ANKRD42: variants seen among roughly 807,000 people sequenced by gnomAD.
ANKRD42 encodes ankyrin repeat domain 42, also known as ankyrin repeat domain-containing protein 42.
A neutral mutation model predicts 51.5 loss-of-function variants in ANKRD42; 43 were observed. The observed-to-expected ratio is 0.83, with a 90% CI of 0.65 to 1.08. The LOEUF (loss-of-function observed/expected upper bound fraction) is 1.08. Among genes scored for constraint, ANKRD42 ranks in the 50% least tolerant of loss-of-function variants. The pLI is 0.00. For synonymous variants in ANKRD42, 203 were observed against 213.0 expected, an observed-to-expected ratio of 0.95 and a Z score of 0.41; for missense variants, 608 against 629.3, an observed-to-expected ratio of 0.97 and a Z score of 0.36.
rs1341376429 is a variant in ANKRD42 at position 83,209,492 on chromosome 11, G to A, written c.331-808G>A. On this transcript the variant is annotated intron_variant, in intron 3 of 10. Coordinates refer to ENST00000533342, the MANE Select transcript of ANKRD42 (RefSeq NM_001300975.2). The stretch of plus-strand genomic sequence containing the variant: ...GCTGCCCAAGGACATAGCCAAGCTG[G>A]TCCGTAAAACCCATTTGATGTCTGA... 6.5e-6 allele frequency: 8 copies of A among 1,235,150 alleles called. No homozygotes were observed. The African/African-American group carries it at 7.4e-5, about 11-fold the overall frequency. 76.5% of individuals were successfully genotyped at this position (1,235,150 alleles called of 1,614,324 possible).
At chr11:83,236,011 T>A (rs963044937) in intron 7 of ANKRD42, among the ~76,000 whole-genome samples, 1 of 152,162 alleles carries the variant, frequency 6.6e-6, no homozygotes, top group Non-Finnish European at 1.5e-5. Flanking sequence ...GTGCTCACAT[T>A]CTTGTGAAAT....
At chr11:83,255,208 A>AGAT (rs1346160659) in intron 11 of ANKRD42, among the ~76,000 whole-genome samples, 1 of 152,246 alleles carries the variant, frequency 6.6e-6, no homozygotes, top group Non-Finnish European at 1.5e-5. Context: ...AATTACTCAA[A>AGAT]GATGATTAAT....
downstream of ANKRD42, chr11:83,256,177 A>G (rs1394816686): frequency 4.0e-6 from 1 of 252,924 alleles, no homozygotes; most frequent in Non-Finnish European, 7.5e-6. Flanking sequence ...ATTTATGAGT[A>G]ATTAATTTTA....
At chr11:83,249,129 C>T (rs1413728576), downstream of ANKRD42, among the ~76,000 whole-genome samples, 1 of 152,194 alleles carries the variant, frequency 6.6e-6, no homozygotes, top group Non-Finnish European at 1.5e-5. Flanking sequence ...AAATCTGTTA[C>T]CCCTCCACCT....
chr11:83,252,490 T>C (rs1286956158), downstream of ANKRD42, among the ~76,000 whole-genome samples: 3 of 152,348 alleles, frequency 2.0e-5, no homozygotes, highest in East Asian at 5.8e-4. Context: ...GCTATATTCA[T>C]ACAATGGAAT....
At chr11:83,256,495 A>G (rs1863776952), downstream of ANKRD42, among the ~76,000 whole-genome samples, 1 of 152,180 alleles carries the variant, frequency 6.6e-6, no homozygotes, top group Admixed American at 6.5e-5. Context: ...GGCCAACTAA[A>G]AAACAACTAT....
In ANKRD42 at chr11:83,218,785, C is replaced by T. The variant is rs531082658; in HGVS notation, c.587-6070C>T. Among the ~76,000 whole-genome samples the T allele has an allele frequency of 9.2e-5, 14 of 152,240 alleles. No homozygotes were observed. In the East Asian group the frequency reaches 2.5e-3, roughly 27 times the overall value. On this transcript the variant is annotated intron_variant, in intron 5 of 10. Transcript: ENST00000533342. ...TCAGTACGGAGGTAATTGTGGGCCT[C>T]TGTCATTTGGGCAAAGCTTGCAGGC...
chr11:83,216,341 T>A (rs1229337411), intron 5 of ANKRD42, among the ~76,000 whole-genome samples: 1 of 152,078 alleles, frequency 6.6e-6, no homozygotes, highest in Non-Finnish European at 1.5e-5. Context: ...TTTTTTTTTT[T>A]TTGAGACGGA....
chr11:83,261,879 A>G, downstream of ANKRD42: 2 of 1,534,588 alleles, frequency 1.3e-6, no homozygotes, highest in Middle Eastern at 1.7e-4. Flanking sequence ...TGTTCTAAGA[A>G]GCCAACAGCC....
chr11:83,241,501 A>C (rs1447690318), intron 9 of ANKRD42, among the ~76,000 whole-genome samples: 1 of 152,124 alleles, frequency 6.6e-6, no homozygotes, highest in African/African-American at 2.4e-5. Flanking sequence ...GATGAGAATG[A>C]GTCATATTAA....
At chr11:83,240,094 G>C (rs994433242) in intron 8 of ANKRD42, among the ~76,000 whole-genome samples, 2 of 152,146 alleles carry the variant, frequency 1.3e-5, no homozygotes, top group Non-Finnish European at 2.9e-5. Flanking sequence ...AATTCTTCAA[G>C]TTGTAAGAAA....
At chr11:83,207,741 C>T (rs1862132043) in intron 3 of ANKRD42, among the ~76,000 whole-genome samples, 1 of 152,192 alleles carries the variant, frequency 6.6e-6, no homozygotes, top group South Asian at 2.1e-4. Context: ...AGTGACAGAG[C>T]TAGGATTTGA....
chr11:83,209,477 G>A (rs1365987047), intron 3 of ANKRD42: 6 of 1,340,224 alleles, frequency 4.5e-6, no homozygotes, highest in African/African-American at 4.3e-5. Flanking sequence ...GCTGCCCAAG[G>A]ACATAGCCAA....
rs1274654306 is a variant in ANKRD42, at chr11:83,224,852, T to C, written c.587-3T>C. On this transcript the variant is annotated splice_region_variant and splice_polypyrimidine_tract_variant and intron_variant, in intron 5 of 10. Coordinates refer to ENST00000533342, the MANE Select transcript of ANKRD42 (RefSeq NM_001300975.2). ...TAAATTAATTTTTTTTCCTTTCCTCTAGTTCACTTAGCAGCCATGGAAGGC... is the reference window on the plus strand; with the variant it reads ...TAAATTAATTTTTTTTCCTTTCCTCCAGTTCACTTAGCAGCCATGGAAGGC... The C allele has an allele frequency of 6.3e-7, 1 of 1,581,826 alleles. No individual in the cohort carries two copies. Among genetic ancestry groups the C allele is most frequent in the Admixed American group, 1.7e-5 (1 of 57,310 alleles).
At chr11:83,219,395 C>G (rs1367514559) in intron 5 of ANKRD42, among the ~76,000 whole-genome samples, 1 of 152,216 alleles carries the variant, frequency 6.6e-6, no homozygotes. Context: ...ACCACTGATG[C>G]TTGCATGCTA....
chr11:83,246,662 G>T (rs1011623605), intron 10 of ANKRD42, among the ~76,000 whole-genome samples: 2 of 152,072 alleles, frequency 1.3e-5, no homozygotes, highest in African/African-American at 4.8e-5. Flanking sequence ...TTTTCCTTTG[G>T]TCGTGTCTTG....
chr11:83,215,137 C>T (rs1862482909), intron 5 of ANKRD42: 1 of 152,058 alleles, frequency 6.6e-6, no homozygotes, highest in South Asian at 2.1e-4. Flanking sequence ...CTGATGTGCA[C>T]TTAGGTTGAT....
intron 8 of ANKRD42, 89 bp downstream of exon 8, chr11:83,236,598 T>G: frequency 9.4e-7 from 1 of 1,065,454 alleles, no homozygotes; most frequent in Non-Finnish European, 1.3e-6. Flanking sequence ...GAAGTTTTAA[T>G]GGAATTTTAG....
intron 3 of ANKRD42, among the ~76,000 whole-genome samples, chr11:83,209,150 A>C (rs1160601088): frequency 6.6e-6 from 1 of 152,182 alleles, no homozygotes; most frequent in Non-Finnish European, 1.5e-5. Flanking sequence ...AATTAGTGAA[A>C]GTTTAATTTC....
Sources: gnomAD v4.1 joint callset for allele counts (sites outside exome capture counted in the v4.1 genomes callset) on GRCh38, gnomAD v4.1.1 for gene constraint, MANE v1.5 for transcripts, NCBI Gene and HGNC (gene_info 2026-07-23, HGNC 2026-07-21) for gene names.